SUPT3H: variants seen among roughly 807,000 people sequenced by gnomAD.
SUPT3H encodes SPT3 homolog, SAGA and STAGA complex component.
In SUPT3H, 44 loss-of-function variants were observed where a neutral mutation model predicts 44.3. That is an observed-to-expected ratio of 0.99 (90% confidence interval 0.78 to 1.28). SUPT3H has a LOEUF of 1.28. Ranked by LOEUF, SUPT3H falls within the 50% of genes most tolerant of loss-of-function variation. SUPT3H has a pLI of 0.00. For synonymous variants in SUPT3H, 124 were observed against 125.6 expected, an observed-to-expected ratio of 0.99 and a Z score of 0.09; for missense variants, 380 against 387.1, an observed-to-expected ratio of 0.98 and a Z score of 0.15.
At chr6:45,362,779 T>C (rs901861534) in intron 2 of SUPT3H, among the ~76,000 whole-genome samples, 1 of 152,102 alleles carries the variant, frequency 6.6e-6, no homozygotes, top group Non-Finnish European at 1.5e-5. Context: ...GGTACATTGG[T>C]TGGGAAGATG....
chr6:45,367,831 T>G (rs895905199), intron 1 of SUPT3H, among the ~76,000 whole-genome samples: 6 of 152,180 alleles, frequency 3.9e-5, no homozygotes, highest in African/African-American at 1.4e-4. Context: ...GATCATCCTT[T>G]CACAGTCAAG....
chr6:45,298,323 CTAAAAT>C (rs1233325803), intron 2 of SUPT3H, among the ~76,000 whole-genome samples: 4 of 151,852 alleles, frequency 2.6e-5, no homozygotes, highest in African/African-American at 9.7e-5. Flanking sequence ...TCAGGAAAAA[CTAAAAT>C]TATTTTTGTC....
intron 3 of SUPT3H, among the ~76,000 whole-genome samples, chr6:45,029,750 A>G (rs902212980): frequency 6.6e-6 from 1 of 152,126 alleles, no homozygotes; most frequent in Non-Finnish European, 1.5e-5. Flanking sequence ...AATTAACTGT[A>G]ATTGATAACT....
At chr6:45,348,280 T>C (rs1165996549) in intron 2 of SUPT3H, among the ~76,000 whole-genome samples, 2 of 152,052 alleles carry the variant, frequency 1.3e-5, no homozygotes, top group Non-Finnish European at 2.9e-5. Context: ...TGGATGACTC[T>C]GGAAAGCTAT....
chr6:44,941,705 T>C (rs1772465544), intron 9 of SUPT3H, among the ~76,000 whole-genome samples: 1 of 152,126 alleles, frequency 6.6e-6, no homozygotes. Context: ...AGAGTGAAAA[T>C]ACGGGACATG....
chr6:44,819,955 G>C (rs1404321844), intron 11 of SUPT3H, among the ~76,000 whole-genome samples: 1 of 152,156 alleles, frequency 6.6e-6, no homozygotes, highest in African/African-American at 2.4e-5. Flanking sequence ...AGGTGCAGTG[G>C]CTCATGCCTG....
chr6:45,192,714 T>G (rs1420330916), intron 2 of SUPT3H, among the ~76,000 whole-genome samples: 1 of 152,140 alleles, frequency 6.6e-6, no homozygotes, highest in African/African-American at 2.4e-5. Context: ...AGTGGTTAAC[T>G]CTGAGAATAA....
At chr6:44,906,556 G>GT (rs750085032) in intron 10 of SUPT3H, among the ~76,000 whole-genome samples, 72 of 152,292 alleles carry the variant, frequency 4.7e-4, no homozygotes, top group Middle Eastern at 3.4e-3. Flanking sequence ...GAGGTCAGGA[G>GT]TTTGAGACCA....
At chr6:45,263,601 A>G (rs942975472) in intron 2 of SUPT3H, among the ~76,000 whole-genome samples, 1 of 152,140 alleles carries the variant, frequency 6.6e-6, no homozygotes, top group Non-Finnish European at 1.5e-5. Context: ...TACCCACGTA[A>G]CAAACCTGAA....
intron 10 of SUPT3H, among the ~76,000 whole-genome samples, chr6:44,911,492 G>A (rs1045690479): frequency 2.9e-4 from 44 of 152,240 alleles, no homozygotes; most frequent in Non-Finnish European, 5.9e-4. Flanking sequence ...ATTCTGGCAT[G>A]TATACCTTTT....
chr6:45,115,512 T>C (rs1703291302), intron 2 of SUPT3H, among the ~76,000 whole-genome samples: 1 of 152,136 alleles, frequency 6.6e-6, no homozygotes, highest in Admixed American at 6.5e-5. Context: ...ATTTTAAACG[T>C]ATTTACTGTG....
At chr6:45,250,511 A>C (rs1772178802) in intron 2 of SUPT3H, among the ~76,000 whole-genome samples, 1 of 152,098 alleles carries the variant, frequency 6.6e-6, no homozygotes, top group South Asian at 2.1e-4. Context: ...AAAAAGTAAC[A>C]AATGGAAAAC....
intron 2 of SUPT3H, among the ~76,000 whole-genome samples, chr6:45,334,449 C>CAAAAAAAAAAAAAA (rs551014969): frequency 2.2e-5 from 2 of 91,760 alleles, no homozygotes; most frequent in Non-Finnish European, 4.3e-5. Flanking sequence ...TCAGGAAAAG[C>CAAAAAAAAAAAAAA]AAAAAAAAAA....
chr6:45,146,445 G>A (rs572513534), intron 2 of SUPT3H, among the ~76,000 whole-genome samples: 71 of 152,156 alleles, frequency 4.7e-4, no homozygotes, highest in Middle Eastern at 3.4e-3. Flanking sequence ...GGATGGAGGC[G>A]GGTAAGGGAT....
intron 6 of SUPT3H, among the ~76,000 whole-genome samples, chr6:44,963,743 T>C (rs1776388459): frequency 6.6e-6 from 1 of 152,138 alleles, no homozygotes; most frequent in Non-Finnish European, 1.5e-5. Context: ...CTCATGCCTA[T>C]AATCCCAGCA....
Position 45,257,209 on chromosome 6 carries a change from C to T in SUPT3H, c.101+107992G>A, listed in dbSNP as rs73735328. Among the ~76,000 whole-genome samples, 1,105 of 152,184 alleles carry T rather than the reference C, an allele frequency of 7.3e-3. 19 individuals carry two copies. The highest frequency in any genetic ancestry group is 0.025 in the African/African-American group (1,041 of 41,516). ...AATGACTATAATGGCTTTTTCCAAA[C>T]GACTAATGTTCCATTTGAATATGAG... On this transcript the variant is annotated intron_variant, in intron 2 of 10. Transcript: ENST00000371459.
In SUPT3H at chr6:45,056,396, C is replaced by T. The variant is rs570533189; in HGVS notation, c.187-35764G>A. ...ACTTGCATATGCATGTTTATAGCAG[C>T]ACAATTCACAATTGCAAAAATATGA... On this transcript the variant is annotated intron_variant, in intron 3 of 10. Transcript: ENST00000371459. Among the ~76,000 whole-genome samples, 8 of 152,246 alleles carry T rather than the reference C, an allele frequency of 5.3e-5. No homozygotes were observed. The South Asian group carries it at 1.5e-3, about 28-fold the overall frequency.
At chr6:45,330,021 G>A (rs1009575285) in intron 2 of SUPT3H, among the ~76,000 whole-genome samples, 5 of 151,714 alleles carry the variant, frequency 3.3e-5, no homozygotes, top group African/African-American at 9.7e-5. Flanking sequence ...TACTACTAGA[G>A]GATCAGTCTC....
intron 4 of SUPT3H, among the ~76,000 whole-genome samples, chr6:45,016,096 A>C (rs549894297): frequency 6.6e-6 from 1 of 152,106 alleles, no homozygotes; most frequent in Non-Finnish European, 1.5e-5. Flanking sequence ...TGTACTATAC[A>C]TAATTTTATG....
Sources: allele counts gnomAD v4.1 joint callset (sites outside exome capture counted in the v4.1 genomes callset), GRCh38; gene constraint gnomAD v4.1.1; transcripts MANE v1.5; gene names NCBI Gene and HGNC (gene_info 2026-07-23, HGNC 2026-07-21).